The following ENTREP2 variants were observed in gnomAD, a reference collection of about 807,000 sequenced individuals.
ENTREP2 encodes endosomal transmembrane epsin interactor 2.
At chr15:29,290,552 T>C in the ENTREP2 span, among the ~76,000 whole-genome samples, 1 of 152,232 alleles carries the variant, frequency 6.6e-6, no homozygotes, top group Non-Finnish European at 1.5e-5. Context: ...AATGCAGCTT[T>C]GGGAGAATGA....
chr15:29,467,106 G>A, the ENTREP2 span, among the ~76,000 whole-genome samples: 4 of 151,992 alleles, frequency 2.6e-5, no homozygotes, highest in Non-Finnish European at 5.9e-5. Context: ...GGAGGATGCT[G>A]CAGCCCCCAA....
the ENTREP2 span, among the ~76,000 whole-genome samples, chr15:29,558,217 G>C: frequency 2.0e-5 from 3 of 152,130 alleles, no homozygotes; most frequent in South Asian, 6.2e-4. Flanking sequence ...AGGGCACTCA[G>C]AGAGGAGCAG....
chr15:29,508,790 A>G, the ENTREP2 span, among the ~76,000 whole-genome samples: 1 of 152,238 alleles, frequency 6.6e-6, no homozygotes, highest in Non-Finnish European at 1.5e-5. Context: ...CCCACAGCCA[A>G]TATCATACTG....
At chr15:29,627,371 C>T in the ENTREP2 span, among the ~76,000 whole-genome samples, 5 of 151,890 alleles carry the variant, frequency 3.3e-5, no homozygotes, top group Non-Finnish European at 7.4e-5. Flanking sequence ...GGTGAAACTT[C>T]GTCTCTACTA....
the ENTREP2 span, among the ~76,000 whole-genome samples, chr15:29,336,992 G>A: frequency 6.6e-6 from 1 of 152,202 alleles, no homozygotes. Context: ...CTCCTTCCCA[G>A]ATCCCGTGCA....
the ENTREP2 span, among the ~76,000 whole-genome samples, chr15:29,536,852 G>A: frequency 1.3e-5 from 2 of 152,186 alleles, no homozygotes; most frequent in South Asian, 4.1e-4. Context: ...GGACTGCTGA[G>A]ACTGCAAACC....
At chr15:29,296,695 G>T in the ENTREP2 span, among the ~76,000 whole-genome samples, 1 of 152,150 alleles carries the variant, frequency 6.6e-6, no homozygotes, top group African/African-American at 2.4e-5. Context: ...ACTGGATTGG[G>T]ATATGTATTA....
the ENTREP2 span, among the ~76,000 whole-genome samples, chr15:29,670,768 G>A: frequency 6.6e-6 from 1 of 152,156 alleles, no homozygotes; most frequent in African/African-American, 2.4e-5. Flanking sequence ...AGCTGCCCAG[G>A]GCCTCATGCC....
chr15:29,348,121 A>C, the ENTREP2 span, among the ~76,000 whole-genome samples: 1 of 152,242 alleles, frequency 6.6e-6, no homozygotes, highest in Non-Finnish European at 1.5e-5. Context: ...TTGAAAAAAC[A>C]TCAACTTTTA....
At chr15:29,350,303 T>G in the ENTREP2 span, among the ~76,000 whole-genome samples, 1 of 151,932 alleles carries the variant, frequency 6.6e-6, no homozygotes, top group East Asian at 1.9e-4. Flanking sequence ...ATAAGGTTGC[T>G]GATTATCATG....
chr15:29,195,122 G>C, the ENTREP2 span: 1 of 985,096 alleles, frequency 1.0e-6, no homozygotes. Flanking sequence ...CTGGTCCCAT[G>C]ATGGGATGGG....
the ENTREP2 span, among the ~76,000 whole-genome samples, chr15:29,526,465 G>A: frequency 1.3e-5 from 2 of 150,956 alleles, no homozygotes; most frequent in Non-Finnish European, 3.0e-5. Context: ...CCTGTACAGA[G>A]TATTTTCTTT....
the ENTREP2 span, among the ~76,000 whole-genome samples, chr15:29,580,299 T>C: frequency 6.6e-6 from 1 of 152,170 alleles, no homozygotes; most frequent in Non-Finnish European, 1.5e-5. Flanking sequence ...CATGTTAGTG[T>C]CACACTGCCT....
At chr15:29,191,386 A>G in the ENTREP2 span, among the ~76,000 whole-genome samples, 1 of 152,134 alleles carries the variant, frequency 6.6e-6, no homozygotes, top group Admixed American at 6.5e-5. Context: ...AAGATATAAA[A>G]TACACTGAAA....
At chr15:29,165,345 GAAACAAAC>G in the ENTREP2 span, among the ~76,000 whole-genome samples, 1 of 151,928 alleles carries the variant, frequency 6.6e-6, no homozygotes, top group African/African-American at 2.4e-5. Context: ...AAATGAAATT[GAAACAAAC>G]AAACAAACAA....
chr15:29,336,911 C>T, the ENTREP2 span, among the ~76,000 whole-genome samples: 5 of 152,122 alleles, frequency 3.3e-5, no homozygotes, highest in Admixed American at 1.3e-4. Flanking sequence ...GAGGTCCTTC[C>T]GTCCATGCTG....
the ENTREP2 span, among the ~76,000 whole-genome samples, chr15:29,381,443 G>C: frequency 4.2e-5 from 5 of 117,874 alleles, no homozygotes; most frequent in East Asian, 7.6e-4. Flanking sequence ...GTGACAGAGC[G>C]AGACTCTGTC....
chr15:29,608,314 A>G, the ENTREP2 span, among the ~76,000 whole-genome samples: 14 of 151,922 alleles, frequency 9.2e-5, no homozygotes, highest in Middle Eastern at 6.9e-3. Context: ...TGTGTTCAAA[A>G]ATAGAGCCAC....
chr15:29,332,178 A>T, the ENTREP2 span, among the ~76,000 whole-genome samples: 11 of 152,356 alleles, frequency 7.2e-5, no homozygotes, highest in South Asian at 2.3e-3. Flanking sequence ...AAAGTTGTTA[A>T]ATTTCTCATC....
Sources: gnomAD v4.1 joint callset for allele counts (sites outside exome capture counted in the v4.1 genomes callset) on GRCh38, gnomAD v4.1.1 for gene constraint, MANE v1.5 for transcripts, NCBI Gene and HGNC (gene_info 2026-07-23, HGNC 2026-07-21) for gene names.